Variants in NDUFS1 observed in about 807,000 individuals in gnomAD.
The protein encoded by NDUFS1 is NADH:ubiquinone oxidoreductase core subunit S1.
In NDUFS1, 61 loss-of-function variants were observed where a neutral mutation model predicts 84.4. The observed-to-expected ratio is 0.72, with a 90% CI of 0.59 to 0.89. The LOEUF is 0.89. Ranked by LOEUF, NDUFS1 falls within the 40% of genes least tolerant of loss-of-function variation. NDUFS1 has a pLI of 0.00. For missense variants in NDUFS1, 891 were observed against 890.0 expected, an observed-to-expected ratio of 1.00 and a Z score of -0.01; for synonymous variants, 275 against 290.0, an observed-to-expected ratio of 0.95 and a Z score of 0.53.
Position 206,124,213 on chromosome 2 carries a change from T to A in NDUFS1, c.2156A>T (p.Gln719Leu). 6.2e-7 allele frequency: 1 copy of A among 1,613,316 alleles called. No individual in the cohort carries two copies. The highest frequency in any genetic ancestry group is 1.1e-5 in the South Asian group (1 of 91,068). The change falls in exon 19 of 19, where the codon CAG becomes CTG. Residue 719 changes from glutamine to leucine, a missense_variant. By Grantham distance (113) the Gln-to-Leu change is moderately radical (BLOSUM62 -2). Coordinates refer to ENST00000233190, the MANE Select transcript of NDUFS1 (RefSeq NM_005006.7). ...GCATATGGATGGTTCCTCTACTGCC[T>A]GGGCACCCTCTGTGACAGCTTTGAC... is the stretch of plus-strand genomic sequence containing the variant. The part of the protein sequence containing the change: ...KCVKAVTEGA[Q>L]AVEEPSIC
chr2:206,159,193 T>C, intron 1 of NDUFS1, 148 bp downstream of exon 1: 1 of 1,521,848 alleles, frequency 6.6e-7, no homozygotes, highest in East Asian at 2.4e-5. Context: ...CTGCCGGCTC[T>C]CAGGGGCTTC....
At chr2:206,134,853 T>A (rs1355845794) in intron 13 of NDUFS1, among the ~76,000 whole-genome samples, 2 of 152,038 alleles carry the variant, frequency 1.3e-5, no homozygotes, top group Non-Finnish European at 2.9e-5. Flanking sequence ...GGTGTATGCC[T>A]GCAGACCCAG....
chr2:206,148,982 T>G, intron 5 of NDUFS1, 38 bp downstream of exon 5: 1 of 1,465,770 alleles, frequency 6.8e-7, no homozygotes, highest in African/African-American at 1.4e-5. Flanking sequence ...AATTTTCTGC[T>G]TTATGAAAGG....
intron 15 of NDUFS1, 63 bp from the exon 16 acceptor site, chr2:206,128,035 G>A (rs1691361212): frequency 6.6e-7 from 1 of 1,519,602 alleles, no homozygotes; most frequent in Non-Finnish European, 9.1e-7. Context: ...TACTGTACAT[G>A]AAGATAGTAT....
At chr2:206,130,578 C>T (rs1389220648) in intron 14 of NDUFS1, among the ~76,000 whole-genome samples, 3 of 152,154 alleles carry the variant, frequency 2.0e-5, no homozygotes. Flanking sequence ...TGGTCTTGAA[C>T]TCTTGACCTC....
intron 12 of NDUFS1, among the ~76,000 whole-genome samples, chr2:206,140,943 T>TATATATATATATACACACACAC (rs367723817): frequency 0.034 from 4,585 of 135,376 alleles, 162 homozygotes; most frequent in Admixed American, 0.11. Context: ...TATATATATA[T>TATATATATATATACACACACAC]ACACACACAC....
chr2:206,124,353 A>G, intron 18 of NDUFS1, 77 bp from the exon 19 acceptor site: 1 of 1,090,550 alleles, frequency 9.2e-7, no homozygotes, highest in South Asian at 1.3e-5. Flanking sequence ...AATGGTGCAC[A>G]TATTCAGGAG....
In NDUFS1 at chr2:206,121,955, G is replaced by C. The variant is rs1420454144; in HGVS notation, c.*2230C>G. 1 of 152,140 alleles carries C rather than the reference G, an allele frequency of 6.6e-6. No homozygotes were observed. The highest frequency in any genetic ancestry group is 2.4e-5 in the African/African-American group (1 of 41,416). The allele number at this position is 152,140 out of a possible 1,614,324, so 9.4% of individuals were successfully genotyped here. ...TTGGGACTATGTCCCCTCAAGATGA[G>C]CACAGTGCTAAGAGGTAAGAGATGG... On this transcript the variant is annotated 3_prime_UTR_variant, in exon 19 of 19. Coordinates refer to ENST00000233190, the MANE Select transcript of NDUFS1 (RefSeq NM_005006.7).
At position 206,116,327 on chromosome 2, in the gene NDUFS1, G is replaced by A. The variant is rs1010839558; in HGVS notation, c.*7858C>T. On this transcript the variant is annotated 3_prime_UTR_variant, in exon 19 of 19. Transcript: ENST00000233190. ...ACTAGCAGCTTTCACACTCTCCAAA[G>A]CACCAAACTCATCTTGTTTGTTCAA... 3 of 895,710 alleles carry A rather than the reference G, an allele frequency of 3.3e-6. No homozygotes were observed. The highest frequency in any genetic ancestry group is 3.3e-5 in the African/African-American group (2 of 61,246). The allele number at this position is 895,710 out of a possible 1,614,324, so 55.5% of individuals were successfully genotyped here. A position where few individuals can be genotyped will look rare whatever the true frequency, so the allele number is the denominator to read the frequency against.
intron 9 of NDUFS1, 137 bp downstream of exon 9, chr2:206,144,755 C>A: frequency 2.3e-6 from 2 of 854,062 alleles, no homozygotes; most frequent in South Asian, 1.8e-5. Context: ...AGTATTATCA[C>A]ATTATATAAG....
At chr2:206,158,655 A>C (rs191652180) in intron 1 of NDUFS1, among the ~76,000 whole-genome samples, 1 of 152,250 alleles carries the variant, frequency 6.6e-6, no homozygotes, top group African/African-American at 2.4e-5. Context: ...TATTCATCAA[A>C]AACAGTTAAC....
chr2:206,154,892 G>T (rs933314924), intron 1 of NDUFS1, among the ~76,000 whole-genome samples: 1 of 150,930 alleles, frequency 6.6e-6, no homozygotes, highest in African/African-American at 2.4e-5. Flanking sequence ...CAAAGTGTTG[G>T]GGTTAAGGCG....
Position 206,142,855 on chromosome 2 carries a change from C to A in NDUFS1, c.988-24G>T, listed in dbSNP as rs1004162410. 10 of 1,613,792 alleles carry A rather than the reference C, an allele frequency of 6.2e-6. No homozygotes were observed. In the Admixed American group the frequency reaches 1.7e-4, roughly 27 times the overall value. On this transcript the variant is annotated intron_variant, in intron 10 of 18. Transcript: ENST00000233190. ...AACTAGAAACAGATGAAAAGGGCAT[C>A]ACCAAGAAACCTACACGCAGCAAAG...
Position 206,142,836 on chromosome 2 carries a change from A to C in NDUFS1, c.988-5T>G. 36 of 1,614,156 alleles carry C rather than the reference A, an allele frequency of 2.2e-5. No homozygotes were observed. Among genetic ancestry groups the C allele is most frequent in the Non-Finnish European group, 3.0e-5 (35 of 1,180,024 alleles). On this transcript the variant is annotated splice_polypyrimidine_tract_variant and splice_region_variant and intron_variant, in intron 10 of 18. Coordinates refer to ENST00000233190, the MANE Select transcript of NDUFS1 (RefSeq NM_005006.7). ...TTTGCCTTGAAAACTCTGCAACTAG[A>C]AACAGATGAAAAGGGCATCACCAAG... is the stretch of plus-strand genomic sequence containing the variant.
chr2:206,146,596 TTAA>T (rs1692162343), intron 8 of NDUFS1, among the ~76,000 whole-genome samples: 1 of 152,168 alleles, frequency 6.6e-6, no homozygotes, highest in African/African-American at 2.4e-5. Flanking sequence ...AGTTGAAAAC[TTAA>T]TAAACAACAA....
At chr2:206,156,855 C>G (rs1410614495) in intron 1 of NDUFS1, among the ~76,000 whole-genome samples, 2 of 152,126 alleles carry the variant, frequency 1.3e-5, no homozygotes, top group Non-Finnish European at 2.9e-5. Context: ...ACTTATAGAG[C>G]AGGAGGAAAA....
intron 11 of NDUFS1, 43 bp downstream of exon 11, chr2:206,142,643 A>G (rs1692006555): frequency 1.2e-6 from 2 of 1,612,014 alleles, no homozygotes; most frequent in South Asian, 2.2e-5. Context: ...CTTGTAACTA[A>G]AAAAAGAAAG....
intron 13 of NDUFS1, 100 bp downstream of exon 13, chr2:206,138,385 G>A: frequency 1.4e-6 from 2 of 1,420,950 alleles, no homozygotes; most frequent in East Asian, 2.5e-5. Flanking sequence ...CCAACCTGGT[G>A]TAAGTTTTAA....
intron 1 of NDUFS1, among the ~76,000 whole-genome samples, chr2:206,155,279 C>T (rs1687605414): frequency 6.6e-6 from 1 of 151,648 alleles, no homozygotes; most frequent in Non-Finnish European, 1.5e-5. Context: ...CCATGCCAGG[C>T]TAATTTTTTG....
Sources: allele counts gnomAD v4.1 joint callset (sites outside exome capture counted in the v4.1 genomes callset), GRCh38; gene constraint gnomAD v4.1.1; transcripts MANE v1.5; gene names NCBI Gene and HGNC (gene_info 2026-07-23, HGNC 2026-07-21).